The following ARMH1 variants were observed in gnomAD, a reference collection of about 807,000 sequenced individuals.
ARMH1 encodes the protein armadillo-like helical domain containing protein 1.
Under a neutral mutation model 50.2 loss-of-function variants are expected in ARMH1, and 34 were observed. The ratio of observed to expected loss-of-function variants is 0.68; its 90% confidence interval spans 0.51 to 0.90. ARMH1 has a LOEUF of 0.90. Among genes scored for constraint, ARMH1 ranks in the 40% least tolerant of loss-of-function variants. The pLI, the probability that ARMH1 is intolerant of heterozygous loss-of-function variation, is 0.00. For missense variants in ARMH1, 538 were observed against 553.9 expected (o/e 0.97, Z 0.29); for synonymous variants, 221 against 224.2 (o/e 0.99, Z 0.13).
chr1:44,722,193 G>A lies in ARMH1; in HGVS notation c.725-1929G>A, dbSNP rs535365585. Among the ~76,000 whole-genome samples the A allele has an allele frequency of 5.9e-4, 90 of 152,204 alleles. 1 individual carries two copies. Among genetic ancestry groups the A allele is most frequent in the African/African-American group, 2.2e-3 (90 of 41,534 alleles). On this transcript the variant is annotated intron_variant, in intron 6 of 11. Transcript: ENST00000535358. ...CTCTCTTACCAGTAAATGGAGAGAG[G>A]CACTTGACTACTGAGCTGGGGAGAG...
intron 2 of ARMH1, among the ~76,000 whole-genome samples, chr1:44,692,360 C>G (rs1645684415): frequency 6.6e-6 from 1 of 152,188 alleles, no homozygotes; most frequent in South Asian, 2.1e-4. Context: ...GAGTCCCAGG[C>G]TAGCTTAGGT....
Position 44,724,440 on chromosome 1 carries a change from G to C in ARMH1, c.920+48G>C. ...GTAGCTGCAGCAAGCCTGGCTTGGCGCTGCCGGCGGGCCCCGGGAGCGCTC... is the reference window on the plus strand; with the variant it reads ...GTAGCTGCAGCAAGCCTGGCTTGGCCCTGCCGGCGGGCCCCGGGAGCGCTC... On this transcript the variant is annotated intron_variant, in intron 8 of 11. Transcript: ENST00000535358. This position sits in a 1 kb window ranked among gnomAD's most constrained non-coding sequence, Gnocchi z 6.4. The C allele has an allele frequency of 6.5e-7, 1 of 1,537,174 alleles. No homozygotes were observed. The highest frequency in any genetic ancestry group is 8.8e-7 in the Non-Finnish European group (1 of 1,142,354).
intron 6 of ARMH1, 104 bp downstream of exon 6, chr1:44,704,277 A>T (rs1646236834): frequency 1.2e-6 from 1 of 865,428 alleles, no homozygotes; most frequent in Middle Eastern, 2.2e-4. Flanking sequence ...AGTGTCTGAG[A>T]CAGCCTTGGC....
chr1:44,676,424 G>T (rs1166901730), intron 1 of ARMH1, among the ~76,000 whole-genome samples: 1 of 152,200 alleles, frequency 6.6e-6, no homozygotes, highest in Non-Finnish European at 1.5e-5. Context: ...AGCTTGCCCA[G>T]GGAGTAAGTG....
intron 1 of ARMH1, among the ~76,000 whole-genome samples, chr1:44,677,870 G>T (rs558961615): frequency 6.6e-6 from 1 of 152,184 alleles, no homozygotes; most frequent in Non-Finnish European, 1.5e-5. Context: ...TTACAAGAAG[G>T]AGGTGGAATA....
chr1:44,714,084 C>T (rs540058954), intron 6 of ARMH1, among the ~76,000 whole-genome samples: 7 of 151,214 alleles, frequency 4.6e-5, no homozygotes, highest in African/African-American at 1.2e-4. Flanking sequence ...CTGGCTAACA[C>T]GATGAAACCC....
Position 44,704,081 on chromosome 1 carries a change from C to G in ARMH1, c.640-8C>G. Reference sequence around the variant, plus strand: ...CTAACCACCTTGTCCTGTTGTCTGTCTGGTCAGCCAATCATTGGGACCACA... The same window carrying G: ...CTAACCACCTTGTCCTGTTGTCTGTGTGGTCAGCCAATCATTGGGACCACA... On this transcript the variant is annotated splice_region_variant and splice_polypyrimidine_tract_variant and intron_variant, in intron 5 of 11. Coordinates refer to ENST00000535358, the MANE Select transcript of ARMH1 (RefSeq NM_001145636.2). 1.3e-6 allele frequency: 2 copies of G among 1,546,972 alleles called. No individual in the cohort carries two copies. Among genetic ancestry groups the G allele is most frequent in the Non-Finnish European group, 1.7e-6 (2 of 1,143,478 alleles).
At chr1:44,702,494 A>ACC (rs1646128863) in intron 5 of ARMH1, among the ~76,000 whole-genome samples, 1 of 151,972 alleles carries the variant, frequency 6.6e-6, no homozygotes, top group African/African-American at 2.4e-5. Context: ...TGGGTGGATC[A>ACC]TGAGGTCAGG....
At chr1:44,708,516 G>A (rs1646443165) in intron 6 of ARMH1, among the ~76,000 whole-genome samples, 1 of 152,162 alleles carries the variant, frequency 6.6e-6, no homozygotes, top group African/African-American at 2.4e-5. Context: ...TGAATGTCTT[G>A]GAAGAAGGGT....
intron 4 of ARMH1, 46 bp from the exon 5 acceptor site, chr1:44,700,877 T>C: frequency 6.8e-7 from 1 of 1,466,240 alleles, no homozygotes; most frequent in East Asian, 2.5e-5. Flanking sequence ...TGGGGATTTT[T>C]TCATAAATCC....
intron 1 of ARMH1, among the ~76,000 whole-genome samples, chr1:44,687,968 C>T (rs1645530761): frequency 1.3e-5 from 2 of 152,128 alleles, no homozygotes; most frequent in Non-Finnish European, 2.9e-5. Context: ...CCATTTAAGG[C>T]AGGGCAAGGG....
chr1:44,721,841 C>G (rs546155699), intron 6 of ARMH1: 1 of 151,194 alleles, frequency 6.6e-6, no homozygotes, highest in Non-Finnish European at 1.5e-5. Flanking sequence ...AGTTGTTTTT[C>G]TCCACGGAAA....
At chr1:44,721,797 G>T (rs558582588) in intron 6 of ARMH1, 1 of 151,496 alleles carries the variant, frequency 6.6e-6, no homozygotes, top group East Asian at 1.9e-4. Flanking sequence ...GCCTTGCCTA[G>T]GCAAGACTTC....
intron 6 of ARMH1, among the ~76,000 whole-genome samples, chr1:44,707,876 G>A (rs897860438): frequency 6.6e-6 from 1 of 152,198 alleles, no homozygotes; most frequent in African/African-American, 2.4e-5. Context: ...GACTGCATTT[G>A]GTTTGTTATA....
At chr1:44,698,391 T>C (rs997134463) in intron 4 of ARMH1, among the ~76,000 whole-genome samples, 162 bp downstream of exon 4, 3 of 152,236 alleles carry the variant, frequency 2.0e-5, no homozygotes, top group Admixed American at 2.0e-4. Flanking sequence ...TTTATGATTC[T>C]CCTGATTCAT....
intron 6 of ARMH1, among the ~76,000 whole-genome samples, chr1:44,716,327 T>C (rs1646850339): frequency 6.6e-6 from 1 of 152,218 alleles, no homozygotes; most frequent in Non-Finnish European, 1.5e-5. Context: ...GCCCTTGATC[T>C]TTACTCATTT....
At chr1:44,711,110 G>A (rs1488153816) in intron 6 of ARMH1, among the ~76,000 whole-genome samples, 4 of 152,024 alleles carry the variant, frequency 2.6e-5, no homozygotes, top group East Asian at 1.9e-4. Context: ...TTAGACATTC[G>A]GGCTATTTCC....
At chr1:44,721,587 G>A (rs1031529364) in intron 6 of ARMH1, among the ~76,000 whole-genome samples, 4 of 152,044 alleles carry the variant, frequency 2.6e-5, no homozygotes, top group Non-Finnish European at 4.4e-5. Flanking sequence ...CAGTAGGCCG[G>A]GCACTACAAA....
Position 44,724,688 on chromosome 1 carries a change from AG to A in ARMH1, c.1050+25del. 3.4e-6 allele frequency: 5 copies of A among 1,482,430 alleles called. No individual in the cohort carries two copies. Among genetic ancestry groups the A allele is most frequent in the Middle Eastern group, 2.3e-4 (1 of 4,292 alleles). 91.8% of individuals were successfully genotyped at this position (1,482,430 alleles called of 1,614,324 possible). A position where few individuals can be genotyped will look rare whatever the true frequency, so the allele number is the denominator to read the frequency against. ...CTGGAGGTGCGCGCGGCGGCTGGTT[AG>A]GGGGCGGGAAGGGCGGCGGCACCCG... On this transcript the variant is annotated intron_variant, in intron 9 of 11. Transcript: ENST00000535358. This position sits in a 1 kb window ranked among gnomAD's most constrained non-coding sequence, Gnocchi z 6.4.
Sources: allele counts gnomAD v4.1 joint callset (sites outside exome capture counted in the v4.1 genomes callset), GRCh38; gene constraint gnomAD v4.1.1; non-coding constraint Gnocchi (gnomAD v3.1); transcripts MANE v1.5; gene names NCBI Gene and HGNC (gene_info 2026-07-23, HGNC 2026-07-21).